The following DPP10 variants were observed in gnomAD, a reference collection of about 807,000 sequenced individuals.
DPP10 encodes inactive dipeptidyl peptidase 10.
DPP10 carries 33 observed loss-of-function variants against 120.9 expected under a neutral mutation model. The observed-to-expected ratio is 0.27, with a 90% CI of 0.21 to 0.37. The LOEUF (loss-of-function observed/expected upper bound fraction) is 0.37. Among genes scored for constraint, DPP10 ranks in the 10% least tolerant of loss-of-function variants. The pLI, the probability that DPP10 is intolerant of heterozygous loss-of-function variation, is 1.00. For missense variants in DPP10, 816 were observed against 942.8 expected (o/e 0.87, Z 1.76); for synonymous variants, 337 against 326.1 (o/e 1.03, Z -0.36).
chr2:115,714,092 A>T (rs2092413746), intron 7 of DPP10, among the ~76,000 whole-genome samples: 1 of 152,142 alleles, frequency 6.6e-6, no homozygotes, highest in South Asian at 2.1e-4. Flanking sequence ...TCTAATGTTA[A>T]AGTATCACAC....
intron 1 of DPP10, among the ~76,000 whole-genome samples, chr2:114,647,602 C>T (rs1397600211): frequency 2.6e-5 from 4 of 151,720 alleles, no homozygotes; most frequent in Non-Finnish European, 4.4e-5. Flanking sequence ...GATGCAAAAC[C>T]ACTTAATTTC....
intron 10 of DPP10, among the ~76,000 whole-genome samples, chr2:115,746,937 A>G (rs1355977580): frequency 6.6e-6 from 1 of 152,190 alleles, no homozygotes; most frequent in African/African-American, 2.4e-5. Flanking sequence ...GTTTATTTTG[A>G]TGATATCGAT....
At chr2:114,477,560 T>A (rs1680526290) in intron 1 of DPP10, among the ~76,000 whole-genome samples, 1 of 150,974 alleles carries the variant, frequency 6.6e-6, no homozygotes, top group Non-Finnish European at 1.5e-5. Flanking sequence ...GCCTTGGCCT[T>A]GGATCATTTG....
At chr2:114,541,203 T>C (rs1186450050) in intron 1 of DPP10, among the ~76,000 whole-genome samples, 1 of 152,162 alleles carries the variant, frequency 6.6e-6, no homozygotes, top group African/African-American at 2.4e-5. Flanking sequence ...TGTACAGGAA[T>C]CTCTTCTAAA....
At chr2:115,268,910 G>A (rs1369730843) in intron 1 of DPP10, among the ~76,000 whole-genome samples, 1 of 59,702 alleles carries the variant, frequency 1.7e-5, no homozygotes, top group Non-Finnish European at 4.5e-5. Flanking sequence ...AGCACTTTAG[G>A]AGGCCGAGGC....
intron 1 of DPP10, among the ~76,000 whole-genome samples, chr2:114,897,990 G>T (rs536552880): frequency 6.6e-6 from 1 of 152,118 alleles, no homozygotes; most frequent in Non-Finnish European, 1.5e-5. Context: ...CAGCCATTCC[G>T]TTACTGGGTG....
At chr2:115,085,565 T>C (rs892891111) in intron 1 of DPP10, among the ~76,000 whole-genome samples, 1 of 152,194 alleles carries the variant, frequency 6.6e-6, no homozygotes, top group Admixed American at 6.5e-5. Context: ...AATAACACTT[T>C]TGAAAAAGCC....
intron 5 of DPP10, among the ~76,000 whole-genome samples, chr2:115,670,452 C>T (rs1023092513): frequency 6.6e-6 from 1 of 152,068 alleles, no homozygotes; most frequent in Non-Finnish European, 1.5e-5. Flanking sequence ...ACTGTGTTCA[C>T]CATGCCAATT....
intron 3 of DPP10, among the ~76,000 whole-genome samples, chr2:115,479,061 C>A (rs988678621): frequency 5.3e-5 from 8 of 152,036 alleles, no homozygotes; most frequent in Admixed American, 2.0e-4. Context: ...GGATAAATAC[C>A]CAAATGAATT....
chr2:115,747,082 A>T (rs1401056270), intron 10 of DPP10, among the ~76,000 whole-genome samples: 1 of 152,158 alleles, frequency 6.6e-6, no homozygotes, highest in Non-Finnish European at 1.5e-5. Context: ...TACGTACTTG[A>T]AAAGGTAATA....
intron 1 of DPP10, among the ~76,000 whole-genome samples, chr2:114,482,245 A>G (rs1022341070): frequency 6.6e-6 from 1 of 152,172 alleles, no homozygotes; most frequent in African/African-American, 2.4e-5. Context: ...TGGAGAACAC[A>G]TTAGAGCTTG....
intron 1 of DPP10, among the ~76,000 whole-genome samples, chr2:115,299,320 T>C (rs978583379): frequency 1.3e-5 from 2 of 151,994 alleles, no homozygotes; most frequent in Admixed American, 6.6e-5. Flanking sequence ...AACTCCACAA[T>C]TTTGAGAAAT....
intron 1 of DPP10, among the ~76,000 whole-genome samples, chr2:115,103,415 C>G (rs998737215): frequency 3.9e-5 from 6 of 152,082 alleles, no homozygotes; most frequent in Non-Finnish European, 8.8e-5. Context: ...GCCGCGATCT[C>G]CTGACCTCGG....
At chr2:115,374,384 C>A (rs1433297722) in intron 3 of DPP10, among the ~76,000 whole-genome samples, 1 of 152,212 alleles carries the variant, frequency 6.6e-6, no homozygotes, top group Non-Finnish European at 1.5e-5. Context: ...GGCTGCTCTT[C>A]CCCTGTGGCT....
In DPP10 at chr2:115,842,243, G is replaced by A. The variant is rs774221324; in HGVS notation, c.2289G>A (p.Glu763=). The A allele has an allele frequency of 4.3e-5, 70 of 1,613,330 alleles. No individual in the cohort carries two copies. Among genetic ancestry groups the A allele is most frequent in the Non-Finnish European group, 5.7e-5 (67 of 1,179,524 alleles). ...CAGATGAAGGTCATAACGTATCTGA[G>A]AAGAGCAAGTATCATCTCTACAGCA... ...VYPDEGHNVS[E]KSKYHLYSTI... Residue 763 remains glutamate, a synonymous_variant, in exon 26 of 26, where the codon GAG becomes GAA. Transcript: ENST00000410059.
At chr2:115,236,621 A>C (rs2058022224) in intron 1 of DPP10, among the ~76,000 whole-genome samples, 1 of 152,216 alleles carries the variant, frequency 6.6e-6, no homozygotes, top group Non-Finnish European at 1.5e-5. Context: ...GCCAGACACC[A>C]CCAATCAATT....
At chr2:115,054,416 G>A (rs1705735079) in intron 1 of DPP10, among the ~76,000 whole-genome samples, 1 of 151,934 alleles carries the variant, frequency 6.6e-6, no homozygotes, top group Admixed American at 6.6e-5. Context: ...CCATACATAA[G>A]CCCATTGCAA....
intron 3 of DPP10, among the ~76,000 whole-genome samples, chr2:115,484,369 C>T (rs1315221968): frequency 2.6e-5 from 4 of 151,906 alleles, no homozygotes; most frequent in Admixed American, 6.6e-5. Flanking sequence ...CATTTTCTGT[C>T]ATCCAGAAAA....
intron 1 of DPP10, among the ~76,000 whole-genome samples, chr2:114,954,966 A>G (rs1698091571): frequency 6.6e-6 from 1 of 152,224 alleles, no homozygotes; most frequent in Non-Finnish European, 1.5e-5. Context: ...ATAAATAATA[A>G]TCAAATGTCC....
Sources: allele counts gnomAD v4.1 joint callset (sites outside exome capture counted in the v4.1 genomes callset), GRCh38; gene constraint gnomAD v4.1.1; transcripts MANE v1.5; gene names NCBI Gene and HGNC (gene_info 2026-07-23, HGNC 2026-07-21).